MAP4K4: variants seen among roughly 807,000 people sequenced by gnomAD.
The protein encoded by MAP4K4 is HPK/GCK-like kinase HGK.
MAP4K4 carries 38 observed loss-of-function variants against 189.6 expected under a neutral mutation model. The ratio of observed to expected loss-of-function variants is 0.20; its 90% CI spans 0.15 to 0.26. MAP4K4 has a LOEUF of 0.26. Among genes scored for constraint, MAP4K4 ranks in the 10% least tolerant of loss-of-function variants. MAP4K4 has a pLI of 1.00. For synonymous variants in MAP4K4, 610 were observed against 624.3 expected, an observed-to-expected ratio of 0.98 and a Z score of 0.34; for missense variants, 1,054 against 1,726.9, an observed-to-expected ratio of 0.61 and a Z score of 6.91.
intron 27 of MAP4K4, among the ~76,000 whole-genome samples, chr2:101,878,936 C>T (rs1399498112): frequency 6.6e-6 from 1 of 151,946 alleles, no homozygotes; most frequent in Non-Finnish European, 1.5e-5. Flanking sequence ...GAGGAAACAG[C>T]CATTTAAAAC....
chr2:101,887,750 T>C, intron 30 of MAP4K4, 28 bp from the exon 31 acceptor site: 1 of 1,575,628 alleles, frequency 6.3e-7, no homozygotes, highest in Non-Finnish European at 8.6e-7. Flanking sequence ...ACAGACGTTC[T>C]TCCCTGTACT....
intron 2 of MAP4K4, among the ~76,000 whole-genome samples, chr2:101,723,273 G>A (rs1014749418): frequency 6.6e-6 from 1 of 152,154 alleles, no homozygotes; most frequent in South Asian, 2.1e-4. Context: ...TCTTATTGAG[G>A]ATGTTCCCCT....
At position 101,870,031 on chromosome 2, in the gene MAP4K4, G is replaced by A. The variant is rs568968331; in HGVS notation, c.2639+234G>A. ...CTTTATTTTTTCCTTTTGATTTGAG[G>A]ATATATGATCCAGGGGAAATTTCAG... On this transcript the variant is annotated intron_variant, in intron 22 of 32. Coordinates refer to ENST00000324219, the Ensembl canonical transcript of MAP4K4. 1.2e-4 allele frequency: 75 copies of A among 631,620 alleles called. No homozygotes were observed. In the African/African-American group the frequency reaches 1.3e-3, roughly 11 times the overall value. The allele number at this position is 631,620 out of a possible 1,614,324, so 39.1% of individuals were successfully genotyped here. A position where few individuals can be genotyped will look rare whatever the true frequency, so the allele number is the denominator to read the frequency against.
At chr2:101,751,558 G>A (rs988780272) in intron 2 of MAP4K4, among the ~76,000 whole-genome samples, 1 of 152,194 alleles carries the variant, frequency 6.6e-6, no homozygotes, top group Non-Finnish European at 1.5e-5. Flanking sequence ...TGAATACTAG[G>A]CACTGCTGTT....
intron 2 of MAP4K4, among the ~76,000 whole-genome samples, chr2:101,737,445 ATATATATATATATATATTTTT>A (rs1423882598): frequency 0.014 from 465 of 33,472 alleles, no homozygotes; most frequent in South Asian, 0.024. Flanking sequence ...ATATATATAT[ATATATATATATATATATTTTT>A]TTTTTTTTTT....
intron 12 of MAP4K4, among the ~76,000 whole-genome samples, chr2:101,855,034 G>C (rs2097404123): frequency 6.6e-6 from 1 of 152,196 alleles, no homozygotes. Context: ...TTATCCCAGA[G>C]AGTCCAGAGT....
chr2:101,790,338 T>A (rs2092651819), intron 2 of MAP4K4, among the ~76,000 whole-genome samples: 1 of 152,058 alleles, frequency 6.6e-6, no homozygotes, highest in Non-Finnish European at 1.5e-5. Context: ...AAAAAAAGTT[T>A]CTTTGAGATA....
chr2:101,880,204 A>G (rs916886501), intron 27 of MAP4K4, among the ~76,000 whole-genome samples: 7 of 152,072 alleles, frequency 4.6e-5, no homozygotes, highest in Non-Finnish European at 8.8e-5. Context: ...GTGAAGTCCA[A>G]CTTACTAGTT....
intron 2 of MAP4K4, among the ~76,000 whole-genome samples, chr2:101,702,957 T>G (rs1458729137): frequency 6.6e-6 from 1 of 152,164 alleles, no homozygotes; most frequent in Non-Finnish European, 1.5e-5. Context: ...TGTGTGGCAG[T>G]AGGGCTAAGA....
At chr2:101,732,790 T>C (rs2059025625) in intron 2 of MAP4K4, among the ~76,000 whole-genome samples, 1 of 152,238 alleles carries the variant, frequency 6.6e-6, no homozygotes, top group Non-Finnish European at 1.5e-5. Context: ...GGTTTCACCA[T>C]GTTGGACAGG....
At chr2:101,717,999 G>C (rs1331749139) in intron 2 of MAP4K4, among the ~76,000 whole-genome samples, 1 of 151,780 alleles carries the variant, frequency 6.6e-6, no homozygotes, top group African/African-American at 2.4e-5. Context: ...GCTTATGCCT[G>C]TAATCCCAGC....
chr2:101,800,436 G>C (rs1222741877), intron 3 of MAP4K4, among the ~76,000 whole-genome samples: 1 of 152,190 alleles, frequency 6.6e-6, no homozygotes, highest in Non-Finnish European at 1.5e-5. Context: ...AAAGTGCTTT[G>C]AGCAGTAGCA....
At chr2:101,851,318 G>A (rs2097275217) in intron 12 of MAP4K4, among the ~76,000 whole-genome samples, 1 of 152,146 alleles carries the variant, frequency 6.6e-6, no homozygotes, top group Admixed American at 6.5e-5. Flanking sequence ...AATTACATCA[G>A]TTTGTAAAAG....
rs57635166 is a variant in MAP4K4, at chr2:101,729,101, A to AGTGTGTGTGTGTGTGTGTGT, written c.123+30574_123+30593dup. Among the ~76,000 whole-genome samples the AGTGTGTGTGTGTGTGTGTGT allele has an allele frequency of 4.0e-4, 52 of 130,602 alleles. 1 individual carries two copies. Among genetic ancestry groups the AGTGTGTGTGTGTGTGTGTGT allele is most frequent in the South Asian group, 7.9e-4 (3 of 3,802 alleles). The allele number at this position is 130,602 out of a possible 152,430, so 85.7% of individuals were successfully genotyped here. ...AGGAGAGAGAGAGAGAGAGAGAGAG[A>AGTGTGTGTGTGTGTGTGTGT]GTGTGTGTGTGTGTGTGTGTGTGTG... On this transcript the variant is annotated intron_variant, in intron 2 of 32. Transcript: ENST00000324219.
chr2:101,725,518 C>T (rs1168323019), intron 2 of MAP4K4, among the ~76,000 whole-genome samples: 2 of 151,880 alleles, frequency 1.3e-5, no homozygotes, highest in Admixed American at 6.6e-5. Context: ...ATGTACCATA[C>T]TCATCTCATT....
chr2:101,845,046 A>AG (rs2097053981), intron 12 of MAP4K4, among the ~76,000 whole-genome samples: 1 of 152,092 alleles, frequency 6.6e-6, no homozygotes, highest in African/African-American at 2.4e-5. Context: ...GGAAGGACCA[A>AG]TATTGCCTGC....
At chr2:101,704,204 T>G (rs571135169) in intron 2 of MAP4K4, among the ~76,000 whole-genome samples, 4 of 152,250 alleles carry the variant, frequency 2.6e-5, no homozygotes, top group African/African-American at 9.6e-5. Context: ...TCAGCTGATC[T>G]GCCACTGAGA....
chr2:101,870,001 G>C (rs1304742657), intron 22 of MAP4K4: 1 of 676,510 alleles, frequency 1.5e-6, no homozygotes, highest in African/African-American at 1.8e-5. Flanking sequence ...GCACCCCAGC[G>C]TGTACTTTAT....
At chr2:101,836,023 A>C in intron 9 of MAP4K4, 45 bp downstream of exon 9, 1 of 1,427,884 alleles carries the variant, frequency 7.0e-7, no homozygotes, top group East Asian at 2.3e-5. Flanking sequence ...CTTTTTTTTA[A>C]ATTGCTTCTT....
Sources: gnomAD v4.1 joint callset for allele counts (sites outside exome capture counted in the v4.1 genomes callset) on GRCh38, gnomAD v4.1.1 for gene constraint, MANE v1.5 for transcripts, NCBI Gene and HGNC (gene_info 2026-07-23, HGNC 2026-07-21) for gene names.